Variants in RNGTT observed in about 807,000 individuals in gnomAD.
RNGTT encodes the protein RNA guanylyltransferase and 5'-phosphatase.
Under a neutral mutation model 79.3 loss-of-function variants are expected in RNGTT, and 33 were observed. That is an observed-to-expected ratio of 0.42 (90% confidence interval 0.32 to 0.56). The LOEUF (loss-of-function observed/expected upper bound fraction) is 0.56. Ranked by LOEUF, RNGTT falls within the 20% of genes least tolerant of loss-of-function variation. RNGTT has a pLI of 0.17. For missense variants in RNGTT, 497 were observed against 739.1 expected (o/e 0.67, Z 3.80); for synonymous variants, 222 against 235.9 (o/e 0.94, Z 0.54).
At chr6:88,905,882 T>C (rs1222610576) in intron 5 of RNGTT, among the ~76,000 whole-genome samples, 1 of 152,198 alleles carries the variant, frequency 6.6e-6, no homozygotes, top group African/African-American at 2.4e-5. Context: ...TGGTGGCTCA[T>C]GCCTGTAATC....
At chr6:88,936,776 G>A (rs992409057) in intron 2 of RNGTT, among the ~76,000 whole-genome samples, 9 of 152,184 alleles carry the variant, frequency 5.9e-5, no homozygotes, top group African/African-American at 1.9e-4. Flanking sequence ...TAGCTTTACA[G>A]AATGAGTTAG....
chr6:88,836,416 A>G (rs1481235581), intron 11 of RNGTT, among the ~76,000 whole-genome samples: 2 of 151,996 alleles, frequency 1.3e-5, no homozygotes, highest in Non-Finnish European at 2.9e-5. Flanking sequence ...ATAAACCAAA[A>G]CCGCAAAACC....
chr6:88,835,266 T>C (rs1450957360), intron 11 of RNGTT, among the ~76,000 whole-genome samples: 1 of 152,146 alleles, frequency 6.6e-6, no homozygotes, highest in Non-Finnish European at 1.5e-5. Flanking sequence ...GCTTATTTTT[T>C]TTAATCAAGC....
intron 1 of RNGTT, among the ~76,000 whole-genome samples, chr6:88,962,658 C>T (rs1671108883): frequency 6.6e-6 from 1 of 152,174 alleles, no homozygotes; most frequent in Admixed American, 6.5e-5. Flanking sequence ...GTAATCCCAG[C>T]TACTTGGGAG....
chr6:88,849,861 T>G, intron 9 of RNGTT, 35 bp from the exon 10 acceptor site: 2 of 1,505,322 alleles, frequency 1.3e-6, no homozygotes, highest in Non-Finnish European at 1.8e-6. Flanking sequence ...TTCTTCATAC[T>G]TTAATAACAA....
At chr6:88,927,445 C>T (rs1784356884) in intron 4 of RNGTT, among the ~76,000 whole-genome samples, 1 of 151,972 alleles carries the variant, frequency 6.6e-6, no homozygotes, top group South Asian at 2.1e-4. Flanking sequence ...GGCAGATCAC[C>T]TGAGGTTGGG....
At chr6:88,626,999 T>C (rs947868042) in intron 14 of RNGTT, among the ~76,000 whole-genome samples, 4 of 152,000 alleles carry the variant, frequency 2.6e-5, no homozygotes, top group African/African-American at 9.7e-5. Context: ...CTTGGGATAA[T>C]AAAATCGATA....
At chr6:88,853,178 A>G (rs1269986373) in intron 9 of RNGTT, among the ~76,000 whole-genome samples, 1 of 152,246 alleles carries the variant, frequency 6.6e-6, no homozygotes, top group Non-Finnish European at 1.5e-5. Context: ...CAATATAAGT[A>G]TACATAAGAA....
At chr6:88,697,352 C>A (rs978011270) in intron 13 of RNGTT, among the ~76,000 whole-genome samples, 3 of 151,636 alleles carry the variant, frequency 2.0e-5, no homozygotes, top group Admixed American at 2.0e-4. Context: ...GAGATCAAGA[C>A]CATCCTGGCT....
intron 6 of RNGTT, among the ~76,000 whole-genome samples, chr6:88,898,211 C>G (rs1001389122): frequency 1.3e-5 from 2 of 152,176 alleles, no homozygotes; most frequent in African/African-American, 4.8e-5. Flanking sequence ...ACCAGTCTGA[C>G]CCAGCCCTAC....
chr6:88,945,190 G>A (rs1451498068), intron 1 of RNGTT, among the ~76,000 whole-genome samples: 1 of 152,124 alleles, frequency 6.6e-6, no homozygotes, highest in Non-Finnish European at 1.5e-5. Context: ...CGAAAGGTAG[G>A]AAAGGTAGCA....
intron 13 of RNGTT, among the ~76,000 whole-genome samples, chr6:88,763,905 T>C (rs1172021869): frequency 6.6e-6 from 1 of 152,220 alleles, no homozygotes; most frequent in African/African-American, 2.4e-5. Flanking sequence ...AAGGAACCTG[T>C]TAGGCTACCA....
At chr6:88,858,849 G>C (rs1304172962) in intron 8 of RNGTT, among the ~76,000 whole-genome samples, 1 of 152,140 alleles carries the variant, frequency 6.6e-6, no homozygotes, top group Non-Finnish European at 1.5e-5. Context: ...ACACAGACTA[G>C]TAGGTGCAAT....
intron 13 of RNGTT, among the ~76,000 whole-genome samples, chr6:88,715,192 T>A (rs772105189): frequency 2.6e-4 from 40 of 152,216 alleles, no homozygotes; most frequent in Non-Finnish European, 5.3e-4. Context: ...GAGAGCCAAA[T>A]CATGAGTGAA....
At chr6:88,695,758 T>C (rs115033433) in intron 13 of RNGTT, among the ~76,000 whole-genome samples, 1,790 of 152,282 alleles carry the variant, frequency 0.012, 30 homozygotes, top group African/African-American at 0.04. Flanking sequence ...TAAATGTTCA[T>C]TGACAGATGA....
chr6:88,895,606 A>G (rs1265761248), intron 6 of RNGTT, among the ~76,000 whole-genome samples: 1 of 152,212 alleles, frequency 6.6e-6, no homozygotes, highest in Non-Finnish European at 1.5e-5. Context: ...TAACAAAAAT[A>G]AAGTCTCAAA....
At chr6:88,881,440 T>C (rs1157423617) in intron 8 of RNGTT, among the ~76,000 whole-genome samples, 1 of 152,198 alleles carries the variant, frequency 6.6e-6, no homozygotes, top group Non-Finnish European at 1.5e-5. Flanking sequence ...GCTGATTTAA[T>C]CTACACAAAA....
intron 6 of RNGTT, among the ~76,000 whole-genome samples, chr6:88,899,044 T>C (rs1423183345): frequency 6.6e-6 from 1 of 151,900 alleles, no homozygotes; most frequent in African/African-American, 2.4e-5. Context: ...TGTTCTTTCA[T>C]CTTTAATATA....
At chr6:88,914,158 T>C (rs112334215) in intron 4 of RNGTT, among the ~76,000 whole-genome samples, 5,203 of 152,076 alleles carry the variant, frequency 0.034, 315 homozygotes, top group African/African-American at 0.12. Flanking sequence ...ATAAAAAAAA[T>C]TCCATGCTCA....
Sources: gnomAD v4.1 joint callset for allele counts (sites outside exome capture counted in the v4.1 genomes callset) on GRCh38, gnomAD v4.1.1 for gene constraint, MANE v1.5 for transcripts, NCBI Gene and HGNC (gene_info 2026-07-23, HGNC 2026-07-21) for gene names.